Variants in MAGI2 observed in about 807,000 individuals in gnomAD.
The protein encoded by MAGI2 is membrane-associated guanylate kinase, WW and PDZ domain-containing protein 2.
Under a neutral mutation model 133.3 loss-of-function variants are expected in MAGI2, and 35 were observed. That is an observed-to-expected ratio of 0.26 (90% CI 0.20 to 0.35). MAGI2 has a LOEUF of 0.35. Among genes scored for constraint, MAGI2 ranks in the 10% least tolerant of loss-of-function variants. The pLI is 1.00. For missense variants in MAGI2, 1,636 were observed against 1,863.4 expected (o/e 0.88, Z 2.25); for synonymous variants, 729 against 710.6 (o/e 1.03, Z -0.41).
chr7:78,636,354 T>TC (rs2150977304), intron 2 of MAGI2, among the ~76,000 whole-genome samples: 1 of 144,802 alleles, frequency 6.9e-6, no homozygotes, highest in East Asian at 1.9e-4. Flanking sequence ...AAACAGGCTT[T>TC]TTTTTTTTTT....
intron 1 of MAGI2, among the ~76,000 whole-genome samples, chr7:79,147,391 C>T (rs1363988396): frequency 6.6e-6 from 1 of 152,158 alleles, no homozygotes; most frequent in Non-Finnish European, 1.5e-5. Flanking sequence ...TCATGCCCAC[C>T]CTTGGGCCGT....
At chr7:79,369,374 T>C (rs1336046969) in intron 1 of MAGI2, among the ~76,000 whole-genome samples, 3 of 152,158 alleles carry the variant, frequency 2.0e-5, no homozygotes, top group Non-Finnish European at 4.4e-5. Context: ...CTCAACTTAG[T>C]CCTCTAACCA....
intron 3 of MAGI2, chr7:78,618,105 G>A (rs1442929126): frequency 3.3e-5 from 5 of 151,892 alleles, no homozygotes; most frequent in African/African-American, 1.2e-4. Context: ...CATCACATTA[G>A]GGCACCATTG....
intron 1 of MAGI2, among the ~76,000 whole-genome samples, chr7:79,436,156 C>T (rs4730833): frequency 0.026 from 3,887 of 147,890 alleles, 122 homozygotes; most frequent in East Asian, 0.12. Flanking sequence ...TCCTGAAACA[C>T]GGAGGTTTCA....
intron 1 of MAGI2, among the ~76,000 whole-genome samples, chr7:79,020,037 A>T (rs576557259): frequency 6.6e-6 from 1 of 152,332 alleles, no homozygotes; most frequent in East Asian, 1.9e-4. Context: ...GTAACTTCCT[A>T]AAGACTTGTT....
intron 6 of MAGI2, among the ~76,000 whole-genome samples, chr7:78,416,848 G>C (rs903184812): frequency 2.0e-5 from 3 of 152,108 alleles, no homozygotes; most frequent in Non-Finnish European, 4.4e-5. Flanking sequence ...GGACATAGAA[G>C]GTGTGATTGA....
intron 2 of MAGI2, among the ~76,000 whole-genome samples, chr7:78,644,207 G>A (rs1017574344): frequency 2.0e-5 from 3 of 151,960 alleles, no homozygotes; most frequent in Non-Finnish European, 4.4e-5. Context: ...AAGAAAAATT[G>A]ATAATTCCAC....
chr7:78,137,091 T>G (rs1822223306), intron 16 of MAGI2, among the ~76,000 whole-genome samples: 1 of 152,228 alleles, frequency 6.6e-6, no homozygotes, highest in African/African-American at 2.4e-5. Flanking sequence ...AACTCATTAA[T>G]TTACTGACTT....
chr7:78,969,630 T>C (rs1256085224), intron 2 of MAGI2, among the ~76,000 whole-genome samples: 1 of 152,074 alleles, frequency 6.6e-6, no homozygotes, highest in Non-Finnish European at 1.5e-5. Context: ...ACATTCTTCC[T>C]TGATAGCCTT....
intron 2 of MAGI2, among the ~76,000 whole-genome samples, chr7:78,961,820 A>T (rs906308559): frequency 6.6e-6 from 1 of 151,964 alleles, no homozygotes; most frequent in African/African-American, 2.4e-5. Flanking sequence ...TGATACTGTC[A>T]TTGTGCGAAT....
At position 78,083,387 on chromosome 7, in the gene MAGI2, G is replaced by GGAGAGAGA. The variant is rs747230358; in HGVS notation, c.3568-4310_3568-4303dup. 7.8e-3 allele frequency among the ~76,000 whole-genome samples: 261 copies of GGAGAGAGA among 33,266 alleles called. 5 individuals are homozygous for GGAGAGAGA. Among genetic ancestry groups the GGAGAGAGA allele is most frequent in the East Asian group, 0.012 (9 of 758 alleles). The allele number at this position is 33,266 out of a possible 152,430, so 21.8% of individuals were successfully genotyped here. ...GGGGGCGGGGGAGGGAGGGAGGGGG[G>GGAGAGAGA]GAGAGAGAGAGAGAGAGAGAGAGAG... On this transcript the variant is annotated intron_variant, in intron 20 of 21. Transcript: ENST00000354212.
At chr7:78,130,468 C>T (rs2150524589) in intron 18 of MAGI2, among the ~76,000 whole-genome samples, 1 of 152,320 alleles carries the variant, frequency 6.6e-6, no homozygotes, top group Non-Finnish European at 1.5e-5. Flanking sequence ...TATAAACTGT[C>T]TTAGAGACAT....
At chr7:78,733,323 C>T (rs898494003) in intron 2 of MAGI2, among the ~76,000 whole-genome samples, 2 of 152,144 alleles carry the variant, frequency 1.3e-5, no homozygotes, top group African/African-American at 4.8e-5. Flanking sequence ...CCAATACTGT[C>T]TTGTCCTACT....
chr7:79,053,219 C>T (rs1209427032), intron 1 of MAGI2, among the ~76,000 whole-genome samples: 1 of 152,082 alleles, frequency 6.6e-6, no homozygotes, highest in Non-Finnish European at 1.5e-5. Context: ...GTGATCCACC[C>T]ATCTTGGCCT....
intron 6 of MAGI2, among the ~76,000 whole-genome samples, chr7:78,452,359 T>G (rs187872286): frequency 9.9e-5 from 15 of 152,126 alleles, no homozygotes. Context: ...GTAGGAGCAA[T>G]GCATATTAAA....
chr7:78,896,538 T>TAA (rs1563638124), intron 2 of MAGI2, among the ~76,000 whole-genome samples: 1 of 147,966 alleles, frequency 6.8e-6, no homozygotes, highest in African/African-American at 2.5e-5. Flanking sequence ...TATATATATA[T>TAA]AATATAATAT....
intron 1 of MAGI2, among the ~76,000 whole-genome samples, chr7:79,347,657 T>G (rs991412174): frequency 6.6e-6 from 1 of 151,982 alleles, no homozygotes; most frequent in Non-Finnish European, 1.5e-5. Context: ...AAGAGCTGTT[T>G]TCCCCTTAAT....
chr7:78,327,134 C>T (rs929388884), intron 9 of MAGI2, among the ~76,000 whole-genome samples: 1 of 152,208 alleles, frequency 6.6e-6, no homozygotes, highest in African/African-American at 2.4e-5. Context: ...GAGCACTGCC[C>T]AGTCTGTTGA....
At position 78,897,238 on chromosome 7, in the gene MAGI2, G is replaced by A. The variant is rs755214837; in HGVS notation, c.418+109852C>T. Among the ~76,000 whole-genome samples, 170 of 152,138 alleles carry A rather than the reference G, an allele frequency of 1.1e-3. 2 individuals carry two copies. Among genetic ancestry groups the A allele is most frequent in the South Asian group, 6.2e-4 (3 of 4,816 alleles). On this transcript the variant is annotated intron_variant, in intron 2 of 21. Transcript: ENST00000354212. ...TCATCATTTTTAACCCATATCAAGG[G>A]AAGCATGTACTTTGTTTCCCAAGTT...
Sources: allele counts gnomAD v4.1 joint callset (sites outside exome capture counted in the v4.1 genomes callset), GRCh38; gene constraint gnomAD v4.1.1; transcripts MANE v1.5; gene names NCBI Gene and HGNC (gene_info 2026-07-23, HGNC 2026-07-21).